The following PCDH11X variants were observed in gnomAD, a reference collection of about 807,000 sequenced individuals.
The protein encoded by PCDH11X is protocadherin-11 X-linked.
In PCDH11X, 18 loss-of-function variants were observed where a neutral mutation model predicts 53.3. That is an observed-to-expected ratio of 0.34 (90% confidence interval 0.23 to 0.50). PCDH11X has a LOEUF of 0.50. Ranked by LOEUF, PCDH11X falls within the 20% of genes least tolerant of loss-of-function variation. The pLI, the probability that PCDH11X is intolerant of heterozygous loss-of-function variation, is 0.98. For synonymous variants in PCDH11X, 279 were observed against 393.3 expected (o/e 0.71, Z 3.44); for missense variants, 570 against 1,032.4 (o/e 0.55, Z 6.14).
At chrX:92,157,900 G>C (rs2148252551) in intron 6 of PCDH11X, among the ~76,000 whole-genome samples, 1 of 111,982 alleles carries the variant, frequency 8.9e-6, no homozygotes, top group South Asian at 3.7e-4. Flanking sequence ...GTTTATGAAA[G>C]TCTTTCTGTT....
chrX:91,834,887 C>G (rs1477293471), intron 4 of PCDH11X: 1 of 527,323 alleles, frequency 1.9e-6, no homozygotes, highest in African/African-American at 2.7e-5. Context: ...AACCCCTCTC[C>G]TCTCCCAAAC....
chrX:91,835,413 C>T (rs1393438503), intron 4 of PCDH11X, 48 bp from the exon 5 acceptor site: 3 of 1,207,326 alleles, frequency 2.5e-6, no homozygotes, highest in Non-Finnish European at 3.4e-6. Flanking sequence ...GGGTTGGCTT[C>T]TTAATAATTT....
At position 92,621,751 on chromosome X, in the gene PCDH11X, T is replaced by C. The variant is rs2750737; in HGVS notation, c.*2811T>C. The C allele has an allele frequency of 8.9e-6, 1 of 111,856 alleles. No individual in the cohort carries two copies. Among genetic ancestry groups the C allele is most frequent in the Non-Finnish European group, 1.9e-5 (1 of 53,240 alleles). 9.2% of individuals were successfully genotyped at this position (111,856 alleles called of 1,213,427 possible). On this transcript the variant is annotated 3_prime_UTR_variant, in exon 11 of 11. Coordinates refer to ENST00000682573, the MANE Select transcript of PCDH11X (RefSeq NM_032968.5). Reference sequence around the variant, plus strand: ...TTGTGATGTATGATGTATGTAGTCCTACAACTGCAAAACGTCTTACTGAAC... The same window carrying C: ...TTGTGATGTATGATGTATGTAGTCCCACAACTGCAAAACGTCTTACTGAAC...
At chrX:92,376,786 A>C (rs368494708) in intron 8 of PCDH11X, among the ~76,000 whole-genome samples, 5 of 111,746 alleles carry the variant, frequency 4.5e-5, no homozygotes, top group African/African-American at 1.6e-4. Flanking sequence ...ACAATAACTT[A>C]ATGTTCCATT....
chrX:91,877,886 C>T lies in PCDH11X; in HGVS notation c.1646C>T (p.Pro549Leu). 3 of 1,211,409 alleles carry T rather than the reference C, an allele frequency of 2.5e-6. No homozygotes were observed. The highest frequency in any genetic ancestry group is 3.4e-6 in the Non-Finnish European group (3 of 895,369). The change falls in exon 6 of 11, where the codon CCC becomes CTC. Residue 549 changes from proline to leucine, a missense_variant. Pro to Leu is a moderately conservative substitution (Grantham distance 98). Around this residue, in one of 6 missense-constraint regions of PCDH11X, gnomAD observed 226 missense variants for 457.5 expected, o/e 0.49. Coordinates refer to ENST00000682573, the MANE Select transcript of PCDH11X (RefSeq NM_032968.5). ...CTGGCAAAAGATAACGGGGTACCAC[C>T]CTTAACCAGCAATGTCACAGTCTTT... ...TILAKDNGVPPLTSNVTVFVS... is the reference protein window; with the variant it reads ...TILAKDNGVPLLTSNVTVFVS...
At chrX:92,208,081 G>A (rs2066508194) in intron 7 of PCDH11X, among the ~76,000 whole-genome samples, 1 of 107,892 alleles carries the variant, frequency 9.3e-6, no homozygotes, top group Admixed American at 1.0e-4. Flanking sequence ...TGCAATCCCA[G>A]CTACTCAGCA....
chrX:92,151,541 A>G (rs1455191199), intron 6 of PCDH11X, among the ~76,000 whole-genome samples: 1 of 111,774 alleles, frequency 8.9e-6, no homozygotes, highest in East Asian at 2.8e-4. Flanking sequence ...CGTATTTTCT[A>G]CATTTATTGA....
intron 10 of PCDH11X, among the ~76,000 whole-genome samples, chrX:92,607,584 C>T (rs181472185): frequency 7.2e-5 from 8 of 111,606 alleles, no homozygotes; most frequent in Admixed American, 2.9e-4. Context: ...CTGAATTTCT[C>T]ATGTTAAATG....
At chrX:92,006,312 A>T (rs2062599377) in intron 6 of PCDH11X, among the ~76,000 whole-genome samples, 2 of 103,149 alleles carry the variant, frequency 1.9e-5, no homozygotes, top group Non-Finnish European at 4.0e-5. Flanking sequence ...TTTTCTTTTG[A>T]CTCTTCTGTG....
chrX:91,898,973 A>T (rs1255354080), intron 6 of PCDH11X, among the ~76,000 whole-genome samples: 3 of 109,831 alleles, frequency 2.7e-5, no homozygotes, highest in African/African-American at 9.9e-5. Context: ...ATGACTTTTC[A>T]AAAAGCATTT....
intron 6 of PCDH11X, among the ~76,000 whole-genome samples, chrX:92,179,687 C>G (rs1224484758): frequency 8.9e-6 from 1 of 112,131 alleles, no homozygotes; most frequent in African/African-American, 3.2e-5. Flanking sequence ...AAAATGAATT[C>G]CATGCTTATA....
intron 10 of PCDH11X, among the ~76,000 whole-genome samples, chrX:92,516,300 G>C (rs1194911756): frequency 9.0e-6 from 1 of 111,237 alleles, no homozygotes; most frequent in Non-Finnish European, 1.9e-5. Context: ...AAACAGAACA[G>C]GACTAAACAA....
At chrX:92,366,788 T>G (rs1382573892) in intron 8 of PCDH11X, among the ~76,000 whole-genome samples, 1 of 104,868 alleles carries the variant, frequency 9.5e-6, no homozygotes, top group Non-Finnish European at 1.9e-5. Flanking sequence ...TCAATTTCCA[T>G]GTAGTGATGT....
chrX:91,846,355 T>C (rs1288694964), intron 5 of PCDH11X, among the ~76,000 whole-genome samples: 3 of 111,560 alleles, frequency 2.7e-5, no homozygotes, highest in African/African-American at 9.8e-5. Context: ...CGGTGGCTCA[T>C]GCCTGTAATC....
At chrX:92,232,836 A>C (rs778084452) in intron 7 of PCDH11X, among the ~76,000 whole-genome samples, 131 of 111,534 alleles carry the variant, frequency 1.2e-3, no homozygotes, top group African/African-American at 4.0e-3. Context: ...CCGCCTCAGC[A>C]TCGCGAGTAG....
At chrX:91,840,282 C>G (rs1427301700) in intron 5 of PCDH11X, among the ~76,000 whole-genome samples, 4 of 111,772 alleles carry the variant, frequency 3.6e-5, no homozygotes, top group African/African-American at 1.3e-4. Flanking sequence ...AGCCCAGTGA[C>G]AGTGTGCTGA....
chrX:92,162,861 G>C (rs748413732), intron 6 of PCDH11X, among the ~76,000 whole-genome samples: 1 of 108,140 alleles, frequency 9.2e-6, no homozygotes, highest in Admixed American at 1.0e-4. Context: ...TGGTAGTATA[G>C]GGAGGAACAG....
At chrX:92,111,433 A>G (rs1332131224) in intron 6 of PCDH11X, among the ~76,000 whole-genome samples, 1 of 109,433 alleles carries the variant, frequency 9.1e-6, no homozygotes, top group Non-Finnish European at 1.9e-5. Flanking sequence ...TATGAGCTGT[A>G]TCTACTCATC....
At chrX:92,285,546 C>T (rs2068351303) in intron 8 of PCDH11X, among the ~76,000 whole-genome samples, 1 of 111,442 alleles carries the variant, frequency 9.0e-6, no homozygotes, top group Non-Finnish European at 1.9e-5. Flanking sequence ...AGCCACTGCA[C>T]TCAGCCTGTA....
Sources: gnomAD v4.1 joint callset for allele counts (sites outside exome capture counted in the v4.1 genomes callset) on GRCh38, gnomAD v4.1.1 for gene constraint, gnomAD v4.1.1 regional missense constraint, MANE v1.5 for transcripts, NCBI Gene and HGNC (gene_info 2026-07-23, HGNC 2026-07-21) for gene names.